Variants in AGPAT3 observed in about 807,000 individuals in gnomAD.
The protein encoded by AGPAT3 is 1-acyl-sn-glycerol-3-phosphate acyltransferase gamma.
In AGPAT3, 5 loss-of-function variants were observed where a neutral mutation model predicts 47.3. The ratio of observed to expected loss-of-function variants is 0.11; its 90% CI spans 0.06 to 0.22. The LOEUF is 0.22. Ranked by LOEUF, AGPAT3 falls within the 10% of genes least tolerant of loss-of-function variation. The pLI, the probability that AGPAT3 is intolerant of heterozygous loss-of-function variation, is 1.00. For missense variants in AGPAT3, 315 were observed against 493.0 expected, an observed-to-expected ratio of 0.64 and a Z score of 3.42; for synonymous variants, 212 against 208.3, an observed-to-expected ratio of 1.02 and a Z score of -0.15.
At position 43,984,465 on chromosome 21, in the gene AGPAT3, T is replaced by A. The variant is rs906850148; in HGVS notation, c.*2073T>A. Reference sequence around the variant, plus strand: ...TCTTTTATGATTTAATTATTATTGTTTCCCATAGAAGTTCCCTCCCTTTGA... The same window carrying A: ...TCTTTTATGATTTAATTATTATTGTATCCCATAGAAGTTCCCTCCCTTTGA... On this transcript the variant is annotated 3_prime_UTR_variant, in exon 10 of 10. Transcript: ENST00000291572. 7.2e-5 allele frequency: 11 copies of A among 152,748 alleles called. No homozygotes were observed. The highest frequency in any genetic ancestry group is 2.7e-4 in the African/African-American group (11 of 41,462). 9.5% of individuals were successfully genotyped at this position (152,748 alleles called of 1,614,324 possible).
intron 1 of AGPAT3, among the ~76,000 whole-genome samples, chr21:43,873,752 A>C (rs1271810967): frequency 6.6e-6 from 1 of 152,212 alleles, no homozygotes; most frequent in African/African-American, 2.4e-5. Context: ...CTGACAGTAA[A>C]TCACCCTTTT....
chr21:43,981,831 T>G lies in AGPAT3; in HGVS notation c.1043-473T>G, dbSNP rs1212140944. On this transcript the variant is annotated intron_variant, in intron 9 of 9. Coordinates refer to ENST00000291572, the MANE Select transcript of AGPAT3 (RefSeq NM_020132.5). The surrounding 1 kb of genome is among the most constrained non-coding windows in gnomAD (Gnocchi z 5.3). ...GCTCCTGCCGCCCCTGCCAGGGGCCTTGGTGGGAGGGGTCCTGAGAGGCAG... is the reference window on the plus strand; with the variant it reads ...GCTCCTGCCGCCCCTGCCAGGGGCCGTGGTGGGAGGGGTCCTGAGAGGCAG... Among the ~76,000 whole-genome samples the G allele has an allele frequency of 6.6e-6, 1 of 151,740 alleles. No homozygotes were observed. The highest frequency in any genetic ancestry group is 2.4e-5 in the African/African-American group (1 of 41,356).
chr21:43,867,460 C>G (rs918901031), intron 1 of AGPAT3: 6 of 152,290 alleles, frequency 3.9e-5, no homozygotes, highest in African/African-American at 7.2e-5. Context: ...CTTAACTTGC[C>G]CAATCACATT....
rs547818505 is a variant in AGPAT3 at position 43,975,672 on chromosome 21, A to G, written c.768-2374A>G. Among the ~76,000 whole-genome samples, 4 of 152,322 alleles carry G rather than the reference A, an allele frequency of 2.6e-5. No individual in the cohort carries two copies. In the East Asian group the frequency reaches 5.8e-4, roughly 22 times the overall value. ...TCGCCCCCTCCTGGGCGCTGGGAGC[A>G]CTGCGGTTGCCCGTGGACAGCAGGT... On this transcript the variant is annotated intron_variant, in intron 7 of 9. Transcript: ENST00000291572.
chr21:43,969,129 C>A lies in AGPAT3; in HGVS notation c.360C>A (p.Val120=). The change falls in exon 5 of 10, where the codon GTC becomes GTA. Residue 120 remains valine, a synonymous_variant. Coordinates refer to ENST00000291572, the MANE Select transcript of AGPAT3 (RefSeq NM_020132.5). ...ERFGVLGSSK[V]LAKKELLYVP... ...TCTCCTCCCTCCAGAGCTCCAAGGTCCTCGCTAAGAAGGAGCTGCTCTACG... is the reference window on the plus strand; with the variant it reads ...TCTCCTCCCTCCAGAGCTCCAAGGTACTCGCTAAGAAGGAGCTGCTCTACG... 3 of 1,614,150 alleles carry A rather than the reference C, an allele frequency of 1.9e-6. No homozygotes were observed. Among genetic ancestry groups the A allele is most frequent in the South Asian group, 2.2e-5 (2 of 91,084 alleles).
Position 43,931,997 on chromosome 21 carries a change from C to T in AGPAT3, c.-48-27637C>T, listed in dbSNP as rs142132161. Among the ~76,000 whole-genome samples, 264 of 150,970 alleles carry T rather than the reference C, an allele frequency of 1.7e-3. 2 individuals carry two copies. Among genetic ancestry groups the T allele is most frequent in the African/African-American group, 6.3e-3 (258 of 40,924 alleles). ...TACCTACTACCTATTTGTCATCTATCTATAATTGACAAAATATGATTGTGT... is the reference window on the plus strand; with the variant it reads ...TACCTACTACCTATTTGTCATCTATTTATAATTGACAAAATATGATTGTGT... On this transcript the variant is annotated intron_variant, in intron 2 of 9. Transcript: ENST00000291572.
Position 43,938,946 on chromosome 21 carries a change from TC to T in AGPAT3, c.-48-20686del, listed in dbSNP as rs145206184. On this transcript the variant is annotated intron_variant, in intron 2 of 9. Transcript: ENST00000291572. The stretch of plus-strand genomic sequence containing the variant: ...GCTGCGGCTGCCCCATCACGCTCTC[TC>T]CTCCACCAGGTTCACAGGTTCACAG... Among the ~76,000 whole-genome samples the T allele has an allele frequency of 4.6e-5, 7 of 152,214 alleles. No homozygotes were observed. The East Asian group carries it at 1.4e-3, about 30-fold the overall frequency.
At chr21:43,866,371 C>T (rs984542307) in intron 1 of AGPAT3, among the ~76,000 whole-genome samples, 6 of 152,052 alleles carry the variant, frequency 3.9e-5, no homozygotes, top group Admixed American at 1.3e-4. Flanking sequence ...ACGCCGAGAG[C>T]CTGCTGGGGG....
rs1048080867 is a variant in AGPAT3 at position 43,959,988 on chromosome 21, G to A, written c.178+129G>A. On this transcript the variant is annotated intron_variant, in intron 3 of 9. Transcript: ENST00000291572. ...ATGCAGGAGGTGCCGAGGCCATCTG[G>A]CTGGCAGGCTGTCGGAAGGCACCTG... The A allele has an allele frequency of 9.8e-6, 10 of 1,021,334 alleles. No homozygotes were observed. In the Middle Eastern group the frequency reaches 9.3e-4, roughly 95 times the overall value. 63.3% of individuals were successfully genotyped at this position (1,021,334 alleles called of 1,614,324 possible). A position where few individuals can be genotyped will look rare whatever the true frequency, so the allele number is the denominator to read the frequency against.
intron 2 of AGPAT3, among the ~76,000 whole-genome samples, chr21:43,944,622 A>T (rs1163849268): frequency 6.6e-6 from 1 of 152,252 alleles, no homozygotes; most frequent in East Asian, 1.9e-4. Flanking sequence ...TTCCTCAGAC[A>T]GGAGATGCAT....
rs189105368 is a variant in AGPAT3 at position 43,941,218 on chromosome 21, G to A, written c.-48-18416G>A. ...CCCTGGAGGTTCCACGCTAGACTGTGTTTGTTTTTCTTGGTGCACACTTGG... is the reference window on the plus strand; with the variant it reads ...CCCTGGAGGTTCCACGCTAGACTGTATTTGTTTTTCTTGGTGCACACTTGG... On this transcript the variant is annotated intron_variant, in intron 2 of 9. Coordinates refer to ENST00000291572, the MANE Select transcript of AGPAT3 (RefSeq NM_020132.5). 1.2e-3 allele frequency among the ~76,000 whole-genome samples: 187 copies of A among 152,290 alleles called. 1 individual carries two copies. The highest frequency in any genetic ancestry group is 3.4e-3 in the Middle Eastern group (1 of 294).
chr21:43,886,173 C>G (rs1335233583), intron 1 of AGPAT3, among the ~76,000 whole-genome samples: 1 of 152,140 alleles, frequency 6.6e-6, no homozygotes, highest in African/African-American at 2.4e-5. Flanking sequence ...GGGAGGGAGT[C>G]ACCAATATCA....
At chr21:43,935,202 C>T (rs983500152) in intron 2 of AGPAT3, among the ~76,000 whole-genome samples, 5 of 152,278 alleles carry the variant, frequency 3.3e-5, no homozygotes, top group South Asian at 4.1e-4. Flanking sequence ...CTTTGCTGTG[C>T]GGGCATCGGT....
chr21:43,913,585 CA>C (rs1035038497), intron 2 of AGPAT3, among the ~76,000 whole-genome samples: 2 of 151,886 alleles, frequency 1.3e-5, no homozygotes, highest in Non-Finnish European at 2.9e-5. Context: ...GACCCTGTCT[CA>C]AAAAAAATTA....
rs553949284 is a variant in AGPAT3 at position 43,930,646 on chromosome 21, C to T, written c.-49+26627C>T. 7.5e-5 allele frequency among the ~76,000 whole-genome samples: 11 copies of T among 147,086 alleles called. No homozygotes were observed. Among genetic ancestry groups the T allele is most frequent in the South Asian group, 6.4e-4 (3 of 4,680 alleles). On this transcript the variant is annotated intron_variant, in intron 2 of 9. Transcript: ENST00000291572. This position sits in a 1 kb window ranked among gnomAD's most constrained non-coding sequence, Gnocchi z 5.0. Reference sequence around the variant, plus strand: ...GGTGAGGGTGGGTGGGTGTTTCTGTCGGGATGAGGGGAAGGCGGGGATGAG... The same window carrying T: ...GGTGAGGGTGGGTGGGTGTTTCTGTTGGGATGAGGGGAAGGCGGGGATGAG...
chr21:43,882,903 G>A (rs1387785507), intron 1 of AGPAT3, among the ~76,000 whole-genome samples: 1 of 152,224 alleles, frequency 6.6e-6, no homozygotes, highest in African/African-American at 2.4e-5. Flanking sequence ...GCAGTGTCCA[G>A]TGTCATAGCC....
Position 43,952,517 on chromosome 21 carries a change from C to A in AGPAT3, c.-48-7117C>A, listed in dbSNP as rs563529301. 4.5e-4 allele frequency among the ~76,000 whole-genome samples: 68 copies of A among 152,264 alleles called. No homozygotes were observed. Among genetic ancestry groups the A allele is most frequent in the African/African-American group, 1.5e-3 (64 of 41,568 alleles). On this transcript the variant is annotated intron_variant, in intron 2 of 9. Coordinates refer to ENST00000291572, the MANE Select transcript of AGPAT3 (RefSeq NM_020132.5). The surrounding 1 kb of genome is among the most constrained non-coding windows in gnomAD (Gnocchi z 5.6). ...CTGCCCAGGCAGAGGCAGCCTCGTG[C>A]CTCACCTTTGCTCCCCTGATCTAAG...
intron 1 of AGPAT3, among the ~76,000 whole-genome samples, chr21:43,885,832 TGCGCAG>T (rs1176692515): frequency 2.0e-4 from 16 of 78,636 alleles, no homozygotes; most frequent in Non-Finnish European, 4.2e-4. Flanking sequence ...GGTGTGCAGG[TGCGCAG>T]GTGCGCAGGG....
chr21:43,936,866 G>C (rs1046877826), intron 2 of AGPAT3, among the ~76,000 whole-genome samples: 1 of 152,192 alleles, frequency 6.6e-6, no homozygotes. Flanking sequence ...GCAACTGCAC[G>C]GCCTGTTTCC....
Sources: allele counts gnomAD v4.1 joint callset (sites outside exome capture counted in the v4.1 genomes callset), GRCh38; gene constraint gnomAD v4.1.1; non-coding constraint Gnocchi (gnomAD v3.1); transcripts MANE v1.5; gene names NCBI Gene and HGNC (gene_info 2026-07-23, HGNC 2026-07-21).